PLA2R1: variants seen among roughly 807,000 people sequenced by gnomAD.
PLA2R1 encodes phospholipase A2 receptor 1.
PLA2R1 carries 158 observed loss-of-function variants against 195.9 expected under a neutral mutation model. The observed-to-expected ratio is 0.81, with a 90% confidence interval of 0.71 to 0.92. The LOEUF is 0.92. Among genes scored for constraint, PLA2R1 ranks in the 40% least tolerant of loss-of-function variants. The pLI is 0.00. For synonymous variants in PLA2R1, 586 were observed against 598.2 expected (o/e 0.98, Z 0.30); for missense variants, 1,626 against 1,764.6 (o/e 0.92, Z 1.41).
intron 20 of PLA2R1, 149 bp from the exon 21 acceptor site, chr2:159,956,776 G>A (rs757124728): frequency 1.3e-5 from 8 of 596,132 alleles, no homozygotes; most frequent in African/African-American, 5.6e-5. Context: ...TCCTCCAAAG[G>A]TGTTACAGTA....
At chr2:160,001,778 G>T (rs1314832338) in intron 11 of PLA2R1, among the ~76,000 whole-genome samples, 1 of 151,816 alleles carries the variant, frequency 6.6e-6, no homozygotes, top group East Asian at 1.9e-4. Context: ...TTCTAAACTT[G>T]TATGTTCCTA....
At position 160,027,324 on chromosome 2, in the gene PLA2R1, C is replaced by T. The variant is rs191539095; in HGVS notation, c.1099+894G>A. On this transcript the variant is annotated intron_variant, in intron 6 of 29. Transcript: ENST00000283243. ...AAAGAAAAAATGAAAAGAGAAGGAACGGAGAAAGGAATATGAAAGAAGGAA... is the reference window on the plus strand; with the variant it reads ...AAAGAAAAAATGAAAAGAGAAGGAATGGAGAAAGGAATATGAAAGAAGGAA... Among the ~76,000 whole-genome samples the T allele has an allele frequency of 7.3e-5, 11 of 151,248 alleles. No individual in the cohort carries two copies. In the East Asian group the frequency reaches 1.2e-3, roughly 16 times the overall value.
chr2:159,987,435 T>G, intron 11 of PLA2R1, 77 bp from the exon 12 acceptor site: 1 of 981,198 alleles, frequency 1.0e-6, no homozygotes, highest in Non-Finnish European at 1.6e-6. Flanking sequence ...CTTTAGAGTG[T>G]TGAATAATTG....
chr2:160,049,044 T>C (rs1695062115), intron 1 of PLA2R1, among the ~76,000 whole-genome samples: 1 of 151,942 alleles, frequency 6.6e-6, no homozygotes, highest in African/African-American at 2.4e-5. Flanking sequence ...GGTTTCACCG[T>C]TCTAGCCGGG....
Position 159,934,453 on chromosome 2 carries a change from G to GA in PLA2R1, c.*7324dup, listed in dbSNP as rs1258959100. 6.6e-6 allele frequency: 1 copy of GA among 152,088 alleles called. No homozygotes were observed. The highest frequency in any genetic ancestry group is 1.5e-5 in the Non-Finnish European group (1 of 68,016). 9.4% of individuals were successfully genotyped at this position (152,088 alleles called of 1,614,324 possible). On this transcript the variant is annotated 3_prime_UTR_variant, in exon 30 of 30. Coordinates refer to ENST00000283243, the MANE Select transcript of PLA2R1 (RefSeq NM_007366.5). ...CCTGCTTCTCATCTGAGACATGAGAGAAAAAATGTCATATAGCAGTGGTCC... is the reference window on the plus strand; with the variant it reads ...CCTGCTTCTCATCTGAGACATGAGAGAAAAAAATGTCATATAGCAGTGGTCC...
At chr2:160,013,112 A>C in intron 10 of PLA2R1, 151 bp downstream of exon 10, 1 of 390,364 alleles carries the variant, frequency 2.6e-6, no homozygotes, top group Non-Finnish European at 4.6e-6. Context: ...GTATAATTTA[A>C]ATTCATCTCA....
chr2:159,970,805 A>G (rs1689109033), intron 17 of PLA2R1, among the ~76,000 whole-genome samples: 1 of 152,152 alleles, frequency 6.6e-6, no homozygotes, highest in Non-Finnish European at 1.5e-5. Flanking sequence ...CTTTGCAGGG[A>G]CATGGATGAA....
At chr2:160,011,951 T>A (rs1437665930) in intron 10 of PLA2R1, among the ~76,000 whole-genome samples, 1 of 102,662 alleles carries the variant, frequency 9.7e-6, no homozygotes, top group East Asian at 3.1e-4. Context: ...TGAGTGTGTG[T>A]GTGTGTGCGT....
rs1487489876 is a variant in PLA2R1 at position 160,013,362 on chromosome 2, T to C, written c.1565A>G (p.His522Arg). Reference protein sequence around the residue: ...ESGCQEGWERHGGFCYKIDTV... With the variant: ...ESGCQEGWERRGGFCYKIDTV... The stretch of plus-strand genomic sequence containing the variant: ...GTCAATTTTGTAACAGAATCCACCA[T>C]GTCTCTCCCATCCCTTAAAAAGAAT... The change falls in exon 10 of 30, where the codon CAT becomes CGT. Residue 522 changes from histidine (H) to arginine (R), a missense_variant. Transcript: ENST00000283243. 5.0e-6 allele frequency: 8 copies of C among 1,596,006 alleles called. No individual in the cohort carries two copies. The highest frequency in any genetic ancestry group is 5.0e-5 in the Admixed American group (3 of 59,866).
At chr2:159,976,004 C>A in intron 17 of PLA2R1, 64 bp downstream of exon 17, 354 of 885,288 alleles carry the variant, frequency 4.0e-4, no homozygotes, top group East Asian at 4.0e-4. Flanking sequence ...ATCCCTCCCT[C>A]CCTCCCAAGG....
intron 6 of PLA2R1, among the ~76,000 whole-genome samples, chr2:160,024,638 G>GA (rs1418128069): frequency 1.3e-5 from 2 of 152,116 alleles, no homozygotes; most frequent in Non-Finnish European, 2.9e-5. Flanking sequence ...TCTCATGGGG[G>GA]AATGGGTGCC....
rs1693686460 is a variant in PLA2R1 at position 160,028,945 on chromosome 2, G to A, written c.860C>T (p.Thr287Ile). 6.3e-7 allele frequency: 1 copy of A among 1,583,524 alleles called. No homozygotes were observed. Among genetic ancestry groups the A allele is most frequent in the Non-Finnish European group, 8.7e-7 (1 of 1,151,112 alleles). ...NFIREHMSSK[T>I]VEVWMGLNQL... ...ATTGAGGCCCATCCACACCTCCACT[G>A]TTTTACTGCTCATGTGCTCTGAAAT... is the stretch of plus-strand genomic sequence containing the variant. The change falls in exon 5 of 30, where the codon ACA becomes ATA. Residue 287 changes from threonine to isoleucine, a missense_variant. Coordinates refer to ENST00000283243, the MANE Select transcript of PLA2R1 (RefSeq NM_007366.5).
intron 28 of PLA2R1, among the ~76,000 whole-genome samples, chr2:159,944,205 C>T (rs144334036): frequency 1.4e-3 from 213 of 152,232 alleles, no homozygotes; most frequent in African/African-American, 4.9e-3. Flanking sequence ...CAGGCTGGGC[C>T]TTTTCCTCCT....
In PLA2R1 at chr2:160,062,435, G is replaced by A. The variant is rs1305054270; in HGVS notation, c.-32C>T. On this transcript the variant is annotated 5_prime_UTR_variant, in exon 1 of 30. Transcript: ENST00000283243. Reference sequence around the variant, plus strand: ...CCACTGGGCTCTCCGGGAGCCCCTTGTCCCGGGAGCCCCTTATCCCGGGAG... The same window carrying A: ...CCACTGGGCTCTCCGGGAGCCCCTTATCCCGGGAGCCCCTTATCCCGGGAG... 2.6e-6 allele frequency: 4 copies of A among 1,519,712 alleles called. No homozygotes were observed. In the East Asian group the frequency reaches 1.1e-4, roughly 41 times the overall value. The allele number at this position is 1,519,712 out of a possible 1,614,324, so 94.1% of individuals were successfully genotyped here.
At chr2:160,046,798 G>A (rs1438121492) in intron 1 of PLA2R1, among the ~76,000 whole-genome samples, 2 of 151,932 alleles carry the variant, frequency 1.3e-5, no homozygotes, top group Non-Finnish European at 2.9e-5. Flanking sequence ...TCCTAATGAG[G>A]GCCTTGTCTG....
intron 20 of PLA2R1, among the ~76,000 whole-genome samples, chr2:159,965,705 TAAGAAACTGCCAAAC>T (rs1688744037): frequency 6.6e-6 from 1 of 152,200 alleles, no homozygotes; most frequent in Non-Finnish European, 1.5e-5. Flanking sequence ...TTTAGTTTTG[TAAGAAACTGCCAAAC>T]TGTCTCCCAC....
In PLA2R1 at chr2:160,013,383, AG is replaced by A; in HGVS notation, c.1552-9del. On this transcript the variant is annotated splice_polypyrimidine_tract_variant and intron_variant, in intron 9 of 29. Transcript: ENST00000283243. ...ACCATGTCTCTCCCATCCCTTAAAA[AG>A]AATAAAAGGGAAATTAAGGACACAA... 6.6e-7 allele frequency: 1 copy of A among 1,505,534 alleles called. No individual in the cohort carries two copies. The highest frequency in any genetic ancestry group is 9.2e-7 in the Non-Finnish European group (1 of 1,083,148). 93.3% of individuals were successfully genotyped at this position (1,505,534 alleles called of 1,614,324 possible). A position where few individuals can be genotyped will look rare whatever the true frequency, so the allele number is the denominator to read the frequency against.
chr2:160,001,001 C>G (rs1045282951), intron 11 of PLA2R1, among the ~76,000 whole-genome samples: 6 of 152,038 alleles, frequency 3.9e-5, no homozygotes, highest in Non-Finnish European at 7.4e-5. Flanking sequence ...TGAAAAATTT[C>G]CAGAGTTGTG....
At position 159,952,864 on chromosome 2, in the gene PLA2R1, A is replaced by G. The variant is rs1687839562; in HGVS notation, c.3302-1286T>C. 2.0e-5 allele frequency among the ~76,000 whole-genome samples: 3 copies of G among 152,174 alleles called. No individual in the cohort carries two copies. The South Asian group carries it at 6.2e-4, about 32-fold the overall frequency. ...GACCTTTATCTGAAACCATTACCTCAATACAGCAGCTGTACATATGGAAAA... is the reference window on the plus strand; with the variant it reads ...GACCTTTATCTGAAACCATTACCTCGATACAGCAGCTGTACATATGGAAAA... On this transcript the variant is annotated intron_variant, in intron 23 of 29. Transcript: ENST00000283243.
Sources: gnomAD v4.1 joint callset for allele counts (sites outside exome capture counted in the v4.1 genomes callset) on GRCh38, gnomAD v4.1.1 for gene constraint, MANE v1.5 for transcripts, NCBI Gene and HGNC (gene_info 2026-07-23, HGNC 2026-07-21) for gene names.